Variants in FANCD2OS observed in about 807,000 individuals in gnomAD.
The protein encoded by FANCD2OS is FANCD2 opposite strand.
A neutral mutation model predicts 13.2 loss-of-function variants in FANCD2OS; 11 were observed. The ratio of observed to expected loss-of-function variants is 0.83; its 90% CI spans 0.52 to 1.38. FANCD2OS has a LOEUF of 1.38. Among genes scored for constraint, FANCD2OS ranks in the 40% most tolerant of loss-of-function variants. The pLI is 0.00. For missense variants in FANCD2OS, 217 were observed against 213.9 expected, an observed-to-expected ratio of 1.01 and a Z score of -0.09; for synonymous variants, 69 against 84.5, an observed-to-expected ratio of 0.82 and a Z score of 1.01.
intron 2 of FANCD2OS, among the ~76,000 whole-genome samples, chr3:10,087,758 C>G (rs892129301): frequency 5.3e-5 from 8 of 152,212 alleles, no homozygotes; most frequent in Middle Eastern, 3.4e-3. Flanking sequence ...AAACGATTCT[C>G]CTGCCTCAGC....
rs371321981 is a variant in FANCD2OS, at chr3:10,087,281, C to CTTTT, written c.*44-5754_*44-5751dup. ...AAAAAATTGGTGATGGGCCTAGATC[C>CTTTT]TTTTTTTTTTTTTTTTTTTAATGAA... On this transcript the variant is annotated intron_variant, in intron 2 of 2. Coordinates refer to the FANCD2OS transcript ENST00000524279. 4.6e-3 allele frequency: 6,024 copies of CTTTT among 1,304,206 alleles called. 8 individuals carry two copies. The highest frequency in any genetic ancestry group is 7.7e-3 in the South Asian group (549 of 71,010). 80.8% of individuals were successfully genotyped at this position (1,304,206 alleles called of 1,614,324 possible).
chr3:10,095,829 G>A (rs1694919032), intron 2 of FANCD2OS, among the ~76,000 whole-genome samples: 1 of 150,512 alleles, frequency 6.6e-6, no homozygotes, highest in African/African-American at 2.4e-5. Flanking sequence ...TCCAGTTTCT[G>A]TTACTTACTT....
intron 2 of FANCD2OS, chr3:10,087,324 A>T (rs2125073581): frequency 3.3e-6 from 5 of 1,501,074 alleles, no homozygotes; most frequent in African/African-American, 1.5e-5. Context: ...AATATCTCAC[A>T]CTTACAAACT....
chr3:10,090,858 A>C (rs1302576622), intron 2 of FANCD2OS, among the ~76,000 whole-genome samples: 2 of 151,486 alleles, frequency 1.3e-5, no homozygotes, highest in African/African-American at 2.4e-5. Flanking sequence ...TTTTTTTTCA[A>C]AGAGTTCCTA....
chr3:10,107,344 G>A (rs1695525487), intron 1 of FANCD2OS, among the ~76,000 whole-genome samples: 1 of 151,750 alleles, frequency 6.6e-6, no homozygotes, highest in Non-Finnish European at 1.5e-5. Context: ...CTGGAGTGCA[G>A]TGGCGCGATC....
chr3:10,101,363 C>T, downstream of FANCD2OS: 1 of 682,604 alleles, frequency 1.5e-6, no homozygotes, highest in Non-Finnish European at 2.5e-6. Flanking sequence ...CTGGTAGGAT[C>T]CTTTTTTGTT....
chr3:10,099,383 G>A, downstream of FANCD2OS: 1 of 1,109,814 alleles, frequency 9.0e-7, no homozygotes, highest in South Asian at 2.6e-5. Context: ...AGCACTTTTT[G>A]AGGCCAAGGT....
At position 10,104,799 on chromosome 3, in the gene FANCD2OS, A is replaced by G; in HGVS notation, c.-8-17T>C. The G allele has an allele frequency of 5.2e-6, 8 of 1,528,930 alleles. No individual in the cohort carries two copies. The highest frequency in any genetic ancestry group is 7.0e-6 in the Non-Finnish European group (8 of 1,138,950). 94.7% of individuals were successfully genotyped at this position (1,528,930 alleles called of 1,614,324 possible). ...TTGACAGTCCTAAAGGAGGGAAATCAGAGCATGGAATTTCCCTGACATGCT... is the reference window on the plus strand; with the variant it reads ...TTGACAGTCCTAAAGGAGGGAAATCGGAGCATGGAATTTCCCTGACATGCT... On this transcript the variant is annotated splice_polypyrimidine_tract_variant and intron_variant, in intron 1 of 1. Coordinates refer to ENST00000450660, the MANE Select transcript of FANCD2OS (RefSeq NM_001164839.2).
chr3:10,098,446 A>G (rs554722329), downstream of FANCD2OS, among the ~76,000 whole-genome samples: 1 of 152,190 alleles, frequency 6.6e-6, no homozygotes, highest in Non-Finnish European at 1.5e-5. Context: ...AGAGTCACCA[A>G]TACAGTCTAG....
intron 2 of FANCD2OS, among the ~76,000 whole-genome samples, chr3:10,081,912 T>A (rs1693861884): frequency 6.6e-6 from 1 of 152,196 alleles, no homozygotes; most frequent in South Asian, 2.1e-4. Context: ...AAAGTAGAAC[T>A]AAGGGAGGTG....
At chr3:10,100,099 G>T (rs1435511347), downstream of FANCD2OS, among the ~76,000 whole-genome samples, 2 of 151,952 alleles carry the variant, frequency 1.3e-5, no homozygotes, top group Non-Finnish European at 2.9e-5. Flanking sequence ...GAGGTGGGAG[G>T]GTTGCTCAAG....
Position 10,104,748 on chromosome 3 carries a change from T to C in FANCD2OS, c.27A>G (p.Pro9=), listed in dbSNP as rs763672041. MAGYQLWS[P]WTPLDESFQW... is the part of the protein sequence containing the mutation. ...GGAAACTCTCATCCAGTGGGGTCCA[T>C]GGTGACCAGAGCTGGTATCCTGCCA... is the stretch of plus-strand genomic sequence containing the variant. Residue 9 remains proline, a synonymous_variant, in exon 2 of 2, where the codon CCA becomes CCG. Transcript: ENST00000450660. 7 of 1,598,762 alleles carry C rather than the reference T, an allele frequency of 4.4e-6. No homozygotes were observed. Among genetic ancestry groups the C allele is most frequent in the Non-Finnish European group, 6.0e-6 (7 of 1,171,636 alleles).
chr3:10,094,988 C>T (rs755531020), intron 2 of FANCD2OS: 9 of 583,440 alleles, frequency 1.5e-5, no homozygotes, highest in Non-Finnish European at 2.5e-5. Flanking sequence ...GGTCTTATAA[C>T]TCTCAGATTG....
chr3:10,089,552 C>T (rs759878503), intron 2 of FANCD2OS, among the ~76,000 whole-genome samples: 5 of 152,128 alleles, frequency 3.3e-5, no homozygotes, highest in Non-Finnish European at 5.9e-5. Flanking sequence ...TCACTGCAAC[C>T]TCCACCTCCT....
At chr3:10,089,536 C>G (rs1183451364) in intron 2 of FANCD2OS, among the ~76,000 whole-genome samples, 1 of 152,014 alleles carries the variant, frequency 6.6e-6, no homozygotes, top group Non-Finnish European at 1.5e-5. Flanking sequence ...GTGGCGTAAT[C>G]TCAGCTCACT....
In FANCD2OS at chr3:10,087,105, ATTTG is replaced by A. The variant is rs1399603005; in HGVS notation, c.*44-5578_*44-5575del. The A allele has an allele frequency of 1.9e-6, 3 of 1,613,172 alleles. No individual in the cohort carries two copies. In the African/African-American group the frequency reaches 4.0e-5, roughly 22 times the overall value. ...TCTGTGACACATAGGATACTATTGC[ATTTG>A]TTTGTTTTTCTTGTCTCCTTACAGC... On this transcript the variant is annotated intron_variant, in intron 2 of 2. Coordinates refer to the FANCD2OS transcript ENST00000524279.
chr3:10,100,617 C>A (rs761002381), downstream of FANCD2OS, among the ~76,000 whole-genome samples: 1 of 152,208 alleles, frequency 6.6e-6, no homozygotes, highest in Non-Finnish European at 1.5e-5. Flanking sequence ...GATGATCTAC[C>A]CACCTCAGCC....
At chr3:10,086,611 C>T (rs887943407) in intron 2 of FANCD2OS, among the ~76,000 whole-genome samples, 2 of 151,972 alleles carry the variant, frequency 1.3e-5, no homozygotes, top group South Asian at 2.1e-4. Context: ...CCTCCCAAGA[C>T]GCTGGGATTA....
rs1293864654 is a variant in FANCD2OS at position 10,096,346 on chromosome 3, C to T, written c.*43+7852G>A. 3.7e-6 allele frequency: 6 copies of T among 1,613,996 alleles called. No individual in the cohort carries two copies. Among genetic ancestry groups the T allele is most frequent in the Non-Finnish European group, 4.2e-6 (5 of 1,179,982 alleles). ...TTCAGATTCACCAGGACACGAGACT[C>T]ACCCAACATGTGCCTCTGCTCAAAA... On this transcript the variant is annotated intron_variant, in intron 2 of 2. Transcript: ENST00000524279.
Sources: allele counts gnomAD v4.1 joint callset (sites outside exome capture counted in the v4.1 genomes callset), GRCh38; gene constraint gnomAD v4.1.1; transcripts MANE v1.5; gene names NCBI Gene and HGNC (gene_info 2026-07-23, HGNC 2026-07-21).